Variants in FRMD4A observed in about 807,000 individuals in gnomAD.
The protein encoded by FRMD4A is FERM domain-containing protein 4A.
FRMD4A carries 29 observed loss-of-function variants against 129.1 expected under a neutral mutation model. The observed-to-expected ratio is 0.22, with a 90% confidence interval of 0.17 to 0.31. The LOEUF (loss-of-function observed/expected upper bound fraction) is 0.31, where lower values mean the gene tolerates loss of function less well. Among genes scored for constraint, FRMD4A ranks in the 10% least tolerant of loss-of-function variants. The pLI is 1.00. For synonymous variants in FRMD4A, 634 were observed against 571.6 expected, an observed-to-expected ratio of 1.11 and a Z score of -1.56; for missense variants, 1,272 against 1,375.8, an observed-to-expected ratio of 0.92 and a Z score of 1.19.
At chr10:13,788,191 A>G (rs2092913528) in intron 5 of FRMD4A, among the ~76,000 whole-genome samples, 1 of 151,632 alleles carries the variant, frequency 6.6e-6, no homozygotes, top group African/African-American at 2.4e-5. Context: ...AGACTTCCAC[A>G]TGTCACCATG....
At chr10:13,699,106 A>C (rs932162358) in intron 14 of FRMD4A, among the ~76,000 whole-genome samples, 2 of 142,518 alleles carry the variant, frequency 1.4e-5, no homozygotes, top group African/African-American at 5.3e-5. Flanking sequence ...ACCACGCTGG[A>C]GTGCAGTGGT....
intron 2 of FRMD4A, among the ~76,000 whole-genome samples, chr10:14,302,783 C>T (rs991645764): frequency 4.6e-5 from 7 of 152,204 alleles, no homozygotes; most frequent in Non-Finnish European, 7.3e-5. Context: ...GAACTGTATA[C>T]TTGTGCATCC....
chr10:14,184,392 G>A (rs1343488337), intron 2 of FRMD4A, among the ~76,000 whole-genome samples: 1 of 150,428 alleles, frequency 6.6e-6, no homozygotes, highest in South Asian at 2.1e-4. Flanking sequence ...GATTACAGGC[G>A]TGAGCCACTG....
chr10:14,115,456 T>C (rs1194659848), intron 2 of FRMD4A, among the ~76,000 whole-genome samples: 1 of 152,224 alleles, frequency 6.6e-6, no homozygotes, highest in Non-Finnish European at 1.5e-5. Context: ...GAGATGAGGA[T>C]ATTGCTTATA....
At chr10:13,678,625 A>C (rs532836996) in intron 15 of FRMD4A, among the ~76,000 whole-genome samples, 19 of 152,360 alleles carry the variant, frequency 1.2e-4, no homozygotes, top group Middle Eastern at 6.8e-3. Context: ...CACACGTCCT[A>C]GTAGAATTAG....
At chr10:14,096,231 A>G (rs139151702) in intron 2 of FRMD4A, among the ~76,000 whole-genome samples, 2,047 of 152,320 alleles carry the variant, frequency 0.013, 31 homozygotes, top group Non-Finnish European at 0.02. Context: ...CCCTTCTGTC[A>G]TGTGAGGGCA....
intron 11 of FRMD4A, 92 bp downstream of exon 11, chr10:13,740,102 A>G: frequency 1.2e-6 from 1 of 826,220 alleles, no homozygotes; most frequent in Non-Finnish European, 2.1e-6. Context: ...CTATCTCAAA[A>G]GAAAAAGAAA....
Position 13,881,252 on chromosome 10 carries a change from T to TAAAAA in FRMD4A, c.46-22345_46-22341dup, listed in dbSNP as rs3032918. 9.6e-4 allele frequency among the ~76,000 whole-genome samples: 115 copies of TAAAAA among 120,302 alleles called. 1 individual carries two copies. The highest frequency in any genetic ancestry group is 3.5e-3 in the African/African-American group (110 of 31,496). The allele number at this position is 120,302 out of a possible 152,430, so 78.9% of individuals were successfully genotyped here. ...GGCAATCTAGTGAGACCCCCATCTC[T>TAAAAA]AAAAAAAAAAAAAAAAAAAAATTAG... On this transcript the variant is annotated intron_variant, in intron 2 of 24. Coordinates refer to ENST00000357447, the MANE Select transcript of FRMD4A (RefSeq NM_018027.5).
intron 2 of FRMD4A, among the ~76,000 whole-genome samples, chr10:13,960,291 T>C (rs929169432): frequency 6.6e-6 from 1 of 152,236 alleles, no homozygotes; most frequent in African/African-American, 2.4e-5. Context: ...ATAGTAACAA[T>C]CGTACACTTA....
intron 15 of FRMD4A, among the ~76,000 whole-genome samples, chr10:13,686,218 A>T (rs1276525657): frequency 3.3e-5 from 5 of 152,252 alleles, no homozygotes. Flanking sequence ...TGGGTAATGG[A>T]GGACTTTAAA....
intron 6 of FRMD4A, among the ~76,000 whole-genome samples, chr10:13,768,676 T>A (rs940719652): frequency 2.0e-5 from 3 of 152,146 alleles, no homozygotes; most frequent in Non-Finnish European, 2.9e-5. Flanking sequence ...CTCCTTAAGA[T>A]TATTTCTACT....
At chr10:14,186,219 T>C (rs1842142275) in intron 2 of FRMD4A, among the ~76,000 whole-genome samples, 1 of 151,316 alleles carries the variant, frequency 6.6e-6, no homozygotes, top group African/African-American at 2.4e-5. Context: ...CAGGCTACAA[T>C]TGGTTGGAAT....
At chr10:13,801,689 C>T (rs940700722) in intron 4 of FRMD4A, among the ~76,000 whole-genome samples, 7 of 152,232 alleles carry the variant, frequency 4.6e-5, no homozygotes, top group Non-Finnish European at 8.8e-5. Context: ...GGGGCCACCA[C>T]TTTTGGCTGG....
intron 18 of FRMD4A, among the ~76,000 whole-genome samples, chr10:13,664,613 C>A (rs998149295): frequency 1.3e-5 from 2 of 152,140 alleles, no homozygotes. Flanking sequence ...AGGATGCTCA[C>A]GAGTTTAGGC....
At chr10:14,107,806 C>G (rs946516091) in intron 2 of FRMD4A, among the ~76,000 whole-genome samples, 2 of 152,168 alleles carry the variant, frequency 1.3e-5, no homozygotes, top group African/African-American at 4.8e-5. Context: ...ATGCGATATT[C>G]TTTCATGCGG....
At position 13,694,109 on chromosome 10, in the gene FRMD4A, CGCGCCT is replaced by C; in HGVS notation, c.976-76_976-71del. The C allele has an allele frequency of 3.8e-6, 5 of 1,300,912 alleles. 1 individual carries two copies. In the South Asian group the frequency reaches 7.7e-5, roughly 20 times the overall value. 80.6% of individuals were successfully genotyped at this position (1,300,912 alleles called of 1,614,324 possible). Reference sequence around the variant, plus strand: ...GCGGAAAGGACAGTCATCCCTCGCCCGCGCCTGCTCACCGTCTTGACATTCCGCAAA... The same window carrying C: ...GCGGAAAGGACAGTCATCCCTCGCCCGCTCACCGTCTTGACATTCCGCAAA... On this transcript the variant is annotated intron_variant, in intron 14 of 24. Transcript: ENST00000357447.
chr10:13,848,149 A>G (rs2094080783), intron 3 of FRMD4A, among the ~76,000 whole-genome samples: 1 of 152,138 alleles, frequency 6.6e-6, no homozygotes, highest in South Asian at 2.1e-4. Flanking sequence ...CATGTAGTTT[A>G]ATGTCCTATC....
At chr10:13,699,992 G>A (rs1482691676) in intron 14 of FRMD4A, among the ~76,000 whole-genome samples, 4 of 152,224 alleles carry the variant, frequency 2.6e-5, no homozygotes, top group Admixed American at 2.6e-4. Context: ...AAGGGGGTCA[G>A]AAAGTAGAGG....
At chr10:13,830,621 C>T (rs2093774856) in intron 3 of FRMD4A, among the ~76,000 whole-genome samples, 1 of 152,200 alleles carries the variant, frequency 6.6e-6, no homozygotes, top group African/African-American at 2.4e-5. Flanking sequence ...GTTAATGTAA[C>T]CCCAGCATTG....
Sources: allele counts gnomAD v4.1 joint callset (sites outside exome capture counted in the v4.1 genomes callset), GRCh38; gene constraint gnomAD v4.1.1; transcripts MANE v1.5; gene names NCBI Gene and HGNC (gene_info 2026-07-23, HGNC 2026-07-21).